Variants in FAAP20 observed in about 807,000 individuals in gnomAD.
FAAP20 encodes FA core complex associated protein 20, also known as Fanconi anemia core complex-associated protein 20.
In FAAP20, 12 loss-of-function variants were observed where a neutral mutation model predicts 16.2. The observed-to-expected ratio is 0.74, with a 90% CI of 0.48 to 1.20. The LOEUF (loss-of-function observed/expected upper bound fraction) is 1.20. Ranked by LOEUF, FAAP20 falls within the 50% of genes most tolerant of loss-of-function variation. The probability of loss-of-function intolerance (pLI) is 0.00; values close to 1 mark genes in which losing one functional copy is unlikely to be tolerated. For missense variants in FAAP20, 288 were observed against 245.8 expected (o/e 1.17, Z -1.15); for synonymous variants, 141 against 110.7 (o/e 1.27, Z -1.72).
At chr1:2,212,037 G>A (rs1275474679), downstream of FAAP20, 1 of 152,002 alleles carries the variant, frequency 6.6e-6, no homozygotes, top group East Asian at 1.9e-4. Flanking sequence ...CGAGTAGCTG[G>A]GACTACAGGC....
downstream of FAAP20, among the ~76,000 whole-genome samples, chr1:2,208,205 C>A (rs1371951059): frequency 6.6e-6 from 1 of 152,066 alleles, no homozygotes; most frequent in Non-Finnish European, 1.5e-5. Context: ...AGGGCCTGGG[C>A]TTCTTGGGAG....
downstream of FAAP20, among the ~76,000 whole-genome samples, chr1:2,209,542 C>T (rs1303008724): frequency 6.6e-6 from 1 of 152,238 alleles, no homozygotes; most frequent in Non-Finnish European, 1.5e-5. Context: ...GGGCCCAGCC[C>T]CCTGGCCTGC....
chr1:2,211,423 ATATATATATATATTTTTTTTTT>A (rs1337247681), downstream of FAAP20, among the ~76,000 whole-genome samples: 1 of 19,916 alleles, frequency 5.0e-5, no homozygotes, highest in African/African-American at 3.9e-4. Context: ...ATATATATAT[ATATATATATATATTTTTTTTTT>A]TTTTTTTTTT....
At chr1:2,189,525 G>A (rs769745867), downstream of FAAP20, 2 of 622,894 alleles carry the variant, frequency 3.2e-6, no homozygotes, top group Admixed American at 2.4e-5. Context: ...TAAACCAAAC[G>A]TCAGAAAGAA....
upstream of FAAP20, chr1:2,200,770 G>A (rs1010924610): frequency 2.1e-5 from 21 of 998,240 alleles, no homozygotes; most frequent in Admixed American, 3.5e-4. Context: ...CACCACACCC[G>A]GAGCTGAGGA....
chr1:2,195,514 C>T (rs1294590863), upstream of FAAP20, among the ~76,000 whole-genome samples: 1 of 152,270 alleles, frequency 6.6e-6, no homozygotes, highest in East Asian at 1.9e-4. Flanking sequence ...GGGTCAGGGG[C>T]CCTCGCCAGA....
upstream of FAAP20, chr1:2,200,903 A>G (rs1350257297): frequency 1.8e-6 from 2 of 1,119,174 alleles, no homozygotes; most frequent in Non-Finnish European, 2.2e-6. Context: ...GGGAGTCCCC[A>G]GGGAAGGTCT....
upstream of FAAP20, among the ~76,000 whole-genome samples, chr1:2,204,892 CAAGCCCCGCCCCT>C: frequency 1.0e-5 from 1 of 96,374 alleles, no homozygotes; most frequent in African/African-American, 7.5e-5. Context: ...GCCCCGCCCT[CAAGCCCCGCCCCT>C]CAAGCCCCCC....
At chr1:2,198,860 C>T (rs1218894190), upstream of FAAP20, 4 of 1,289,674 alleles carry the variant, frequency 3.1e-6, no homozygotes, top group Non-Finnish European at 4.0e-6. Context: ...CAGGCACGCC[C>T]ACCCATAGCC....
chr1:2,208,406 G>C (rs1048752894), downstream of FAAP20, among the ~76,000 whole-genome samples: 3 of 152,146 alleles, frequency 2.0e-5, no homozygotes. Context: ...ATCCAAACTT[G>C]TTGTTAACTT....
downstream of FAAP20, chr1:2,185,400 CTCT>C: frequency 1.4e-6 from 1 of 718,854 alleles, no homozygotes; most frequent in Non-Finnish European, 2.6e-6. Context: ...GTGGAAGCTC[CTCT>C]GATGCCTTTT....
At chr1:2,200,810 AGGGGGCCCTT>A (rs1689019530), upstream of FAAP20, 1 of 1,013,336 alleles carries the variant, frequency 9.9e-7, no homozygotes, top group Non-Finnish European at 1.2e-6. Flanking sequence ...AAGAGCTGGA[AGGGGGCCCTT>A]GGAGGATCCC....
intron 3 of FAAP20, 146 bp downstream of exon 3, chr1:2,193,493 C>A: frequency 7.7e-7 from 1 of 1,291,180 alleles, no homozygotes; most frequent in South Asian, 1.5e-5. Flanking sequence ...CTGGACATGC[C>A]AGGCCACAGC....
At chr1:2,196,795 G>A (rs1452669447), upstream of FAAP20, among the ~76,000 whole-genome samples, 5 of 152,140 alleles carry the variant, frequency 3.3e-5, no homozygotes, top group South Asian at 2.1e-4. This position sits in a 1 kb window ranked among gnomAD's most constrained non-coding sequence, Gnocchi z 4.5. Flanking sequence ...AGCCAAGATC[G>A]CACCACTGCA....
chr1:2,193,055 CAA>C (rs964083886), intron 3 of FAAP20: 7 of 1,268,662 alleles, frequency 5.5e-6, no homozygotes, highest in Non-Finnish European at 7.3e-6. Flanking sequence ...TTAACTCAAC[CAA>C]AAGTTACGAA....
upstream of FAAP20, chr1:2,197,887 C>G (rs1688886329): frequency 9.1e-7 from 1 of 1,100,714 alleles, no homozygotes. Flanking sequence ...GAAGCCTGAC[C>G]CCCAATCCCC....
At chr1:2,198,017 C>G, upstream of FAAP20, 1 of 1,290,512 alleles carries the variant, frequency 7.7e-7, no homozygotes, top group Non-Finnish European at 1.0e-6. Flanking sequence ...CTTGTCCTGC[C>G]TGTCCTCAAG....
downstream of FAAP20, among the ~76,000 whole-genome samples, chr1:2,188,227 A>G (rs552952054): frequency 1.4e-3 from 212 of 152,334 alleles, no homozygotes; most frequent in Admixed American, 2.5e-3. Context: ...AGCTCCCTGA[A>G]GACGCTGCTT....
downstream of FAAP20, chr1:2,186,093 T>A: frequency 2.2e-6 from 1 of 454,218 alleles, no homozygotes; most frequent in Non-Finnish European, 4.4e-6. Context: ...AGAGCCGTCT[T>A]CTGAGCTCCC....
Sources: gnomAD v4.1 joint callset for allele counts (sites outside exome capture counted in the v4.1 genomes callset) on GRCh38, gnomAD v4.1.1 for gene constraint, Gnocchi (gnomAD v3.1) non-coding constraint, MANE v1.5 for transcripts, NCBI Gene and HGNC (gene_info 2026-07-23, HGNC 2026-07-21) for gene names.